The following OTUD4 variants were observed in gnomAD, a reference collection of about 807,000 sequenced individuals.
The protein encoded by OTUD4 is OTU domain-containing protein 4.
OTUD4 carries 24 observed loss-of-function variants against 130.4 expected under a neutral mutation model. The ratio of observed to expected loss-of-function variants is 0.18; its 90% CI spans 0.13 to 0.26. The LOEUF (loss-of-function observed/expected upper bound fraction) is 0.26, where lower values mean the gene tolerates loss of function less well. Among genes scored for constraint, OTUD4 ranks in the 10% least tolerant of loss-of-function variants. OTUD4 has a pLI of 1.00. For synonymous variants in OTUD4, 420 were observed against 472.5 expected (o/e 0.89, Z 1.44); for missense variants, 1,031 against 1,329.4 (o/e 0.78, Z 3.49).
In OTUD4 at chr4:145,135,510, A is replaced by G. The variant is rs556185224; in HGVS notation, c.*1920T>C. The G allele has an allele frequency of 1.3e-5, 2 of 152,364 alleles. No individual in the cohort carries two copies. The highest frequency in any genetic ancestry group is 4.1e-4 in the South Asian group (2 of 4,832). The allele number at this position is 152,364 out of a possible 1,614,324, so 9.4% of individuals were successfully genotyped here. ...ATCAGGTAAGCTAGTCCTACATAAAAAAGCATGAGCTGAAAGTGGAGGACC... is the reference window on the plus strand; with the variant it reads ...ATCAGGTAAGCTAGTCCTACATAAAGAAGCATGAGCTGAAAGTGGAGGACC... On this transcript the variant is annotated 3_prime_UTR_variant, in exon 21 of 21. Coordinates refer to ENST00000447906, the MANE Select transcript of OTUD4 (RefSeq NM_001366057.1).
intron 13 of OTUD4, among the ~76,000 whole-genome samples, chr4:145,147,836 T>C (rs1379573249): frequency 6.6e-6 from 1 of 152,208 alleles, no homozygotes; most frequent in Non-Finnish European, 1.5e-5. Flanking sequence ...AGAAATACAG[T>C]GAAGATGAAC....
At chr4:145,167,071 G>C (rs1290587833) in intron 3 of OTUD4, among the ~76,000 whole-genome samples, 1 of 152,058 alleles carries the variant, frequency 6.6e-6, no homozygotes, top group Admixed American at 6.5e-5. Context: ...ATAGAGACAG[G>C]GAAGTTAACA....
rs201366366 is a variant in OTUD4 at position 145,143,903 on chromosome 4, T to C, written c.1602+43A>G. On this transcript the variant is annotated intron_variant, in intron 16 of 20. Transcript: ENST00000447906. The stretch of plus-strand genomic sequence containing the variant: ...CTTCTTCCTACTGTACTACACAGTA[T>C]TAAGGAAAAAGAAAAGATGCAAGTA... 295 of 1,445,752 alleles carry C rather than the reference T, an allele frequency of 2.0e-4. 1 individual carries two copies. Among genetic ancestry groups the C allele is most frequent in the Non-Finnish European group, 2.6e-4 (272 of 1,027,374 alleles). The allele number at this position is 1,445,752 out of a possible 1,614,324, so 89.6% of individuals were successfully genotyped here.
At chr4:145,141,723 G>T in intron 18 of OTUD4, 84 bp from the exon 19 acceptor site, 3 of 1,238,374 alleles carry the variant, frequency 2.4e-6, no homozygotes, top group Non-Finnish European at 3.3e-6. Flanking sequence ...AAAGAATGCT[G>T]TATAACTGAT....
At position 145,180,056 on chromosome 4, in the gene OTUD4, G is replaced by A. The variant is rs1414313455; in HGVS notation, c.-83C>T. Reference sequence around the variant, plus strand: ...GCCGGCTGCTCGACGCCCCGGCCTGGGGCAGGCGGCGGCTCGGGCTGGGGC... The same window carrying A: ...GCCGGCTGCTCGACGCCCCGGCCTGAGGCAGGCGGCGGCTCGGGCTGGGGC... On this transcript the variant is annotated 5_prime_UTR_variant, in exon 1 of 21. Transcript: ENST00000447906. The A allele has an allele frequency of 2.2e-5, 25 of 1,148,292 alleles. No individual in the cohort carries two copies. Among genetic ancestry groups the A allele is most frequent in the Admixed American group, 9.4e-5 (2 of 21,344 alleles). The allele number at this position is 1,148,292 out of a possible 1,614,324, so 71.1% of individuals were successfully genotyped here.
At chr4:145,166,507 A>T (rs1751883803) in intron 3 of OTUD4, among the ~76,000 whole-genome samples, 1 of 152,156 alleles carries the variant, frequency 6.6e-6, no homozygotes, top group Non-Finnish European at 1.5e-5. Flanking sequence ...GTGTTTAAAA[A>T]AAAAAAAAAG....
chr4:145,166,293 G>A (rs957789998), intron 3 of OTUD4, among the ~76,000 whole-genome samples: 1 of 152,120 alleles, frequency 6.6e-6, no homozygotes, highest in Non-Finnish European at 1.5e-5. Context: ...CAATTGTTTT[G>A]AAAACAAGAG....
At position 145,138,549 on chromosome 4, in the gene OTUD4, A is replaced by T. The variant is rs1456390698; in HGVS notation, c.2226T>A (p.Val742=). 1 of 1,614,012 alleles carries T rather than the reference A, an allele frequency of 6.2e-7. No individual in the cohort carries two copies. The highest frequency in any genetic ancestry group is 1.3e-5 in the African/African-American group (1 of 74,922). ...CTTGGAACCAGGGATTATGAGGATA[A>T]ACAGGGACAGGGACCTTTGGGTACA... is the stretch of plus-strand genomic sequence containing the variant. ...CRMYPKVPVP[V]YPHNPWFQEA... Residue 742 remains valine, a synonymous_variant, in exon 21 of 21, where the codon GTT becomes GTA. Transcript: ENST00000447906.
At chr4:145,144,463 G>A in intron 14 of OTUD4, 29 bp from the exon 15 acceptor site, 3 of 1,598,518 alleles carry the variant, frequency 1.9e-6, no homozygotes, top group Non-Finnish European at 2.6e-6. Flanking sequence ...CCAACATTTT[G>A]TGTTAAAGAT....
chr4:145,170,691 G>A (rs1029832641), intron 3 of OTUD4: 3 of 152,142 alleles, frequency 2.0e-5, no homozygotes, highest in African/African-American at 7.2e-5. Context: ...TTAGTGTTAG[G>A]CAACCAAATG....
At chr4:145,165,014 G>A in intron 4 of OTUD4, 137 bp downstream of exon 4, 1 of 471,444 alleles carries the variant, frequency 2.1e-6, no homozygotes, top group Non-Finnish European at 3.8e-6. Flanking sequence ...TCTAATTGAT[G>A]CAATTAAAAA....
intron 19 of OTUD4, among the ~76,000 whole-genome samples, chr4:145,140,386 T>C (rs925209466): frequency 1.3e-5 from 2 of 152,306 alleles, no homozygotes; most frequent in East Asian, 3.9e-4. Context: ...GTAGCATCAT[T>C]TGCAGGATAA....
In OTUD4 at chr4:145,137,405, T is replaced by G; in HGVS notation, c.*25A>C. 3 of 1,563,258 alleles carry G rather than the reference T, an allele frequency of 1.9e-6. No homozygotes were observed. Among genetic ancestry groups the G allele is most frequent in the Non-Finnish European group, 2.6e-6 (3 of 1,149,604 alleles). ...GAAACATTCCACCTAAGAGTTTCTG[T>G]TAGAAAATACTTCGGCAACAACCAT... On this transcript the variant is annotated 3_prime_UTR_variant, in exon 21 of 21. Transcript: ENST00000447906.
rs1410264195 is a variant in OTUD4 at position 145,180,046 on chromosome 4, C to G, written c.-73G>C. The G allele has an allele frequency of 8.2e-7, 1 of 1,225,054 alleles. No individual in the cohort carries two copies. Among genetic ancestry groups the G allele is most frequent in the Non-Finnish European group, 1.0e-6 (1 of 977,454 alleles). The allele number at this position is 1,225,054 out of a possible 1,614,324, so 75.9% of individuals were successfully genotyped here. ...TGGCCAGGCCGCCGGCTGCTCGACG[C>G]CCCGGCCTGGGGCAGGCGGCGGCTC... is the stretch of plus-strand genomic sequence containing the variant. On this transcript the variant is annotated 5_prime_UTR_variant, in exon 1 of 21. Transcript: ENST00000447906.
chr4:145,174,015 T>A (rs2126808909), intron 2 of OTUD4, among the ~76,000 whole-genome samples: 1 of 151,492 alleles, frequency 6.6e-6, no homozygotes, highest in South Asian at 2.1e-4. Flanking sequence ...AATTTTTTTT[T>A]TTTTTTTTTT....
chr4:145,173,188 G>A (rs1197511912), intron 2 of OTUD4, among the ~76,000 whole-genome samples: 1 of 152,068 alleles, frequency 6.6e-6, no homozygotes, highest in Admixed American at 6.6e-5. Flanking sequence ...TCAGGAGATC[G>A]AGACCATCCT....
At position 145,134,864 on chromosome 4, in the gene OTUD4, A is replaced by T. The variant is rs905605616; in HGVS notation, c.*2566T>A. The T allele has an allele frequency of 2.5e-6, 1 of 398,888 alleles. No individual in the cohort carries two copies. Among genetic ancestry groups the T allele is most frequent in the African/African-American group, 2.1e-5 (1 of 48,644 alleles). The allele number at this position is 398,888 out of a possible 1,614,324, so 24.7% of individuals were successfully genotyped here. A position where few individuals can be genotyped will look rare whatever the true frequency, so the allele number is the denominator to read the frequency against. On this transcript the variant is annotated 3_prime_UTR_variant, in exon 21 of 21. Coordinates refer to ENST00000447906, the MANE Select transcript of OTUD4 (RefSeq NM_001366057.1). ...TGAGCTTTGGTCAGTCTGTTCTTCAAAATATGTATGATCATAATATGGTGA... is the reference window on the plus strand; with the variant it reads ...TGAGCTTTGGTCAGTCTGTTCTTCATAATATGTATGATCATAATATGGTGA...
At chr4:145,165,224 G>A (rs1048355633) in intron 3 of OTUD4, 27 bp from the exon 4 acceptor site, 4 of 1,554,598 alleles carry the variant, frequency 2.6e-6, no homozygotes, top group Middle Eastern at 1.8e-4. Context: ...AAGGTGGCAT[G>A]TAAGTGTCTC....
chr4:145,163,358 A>T (rs573008626), intron 5 of OTUD4, among the ~76,000 whole-genome samples: 31 of 152,324 alleles, frequency 2.0e-4, no homozygotes, highest in African/African-American at 7.2e-4. Context: ...AAATTCTCTT[A>T]TAATAAGTCA....
Sources: allele counts gnomAD v4.1 joint callset (sites outside exome capture counted in the v4.1 genomes callset), GRCh38; gene constraint gnomAD v4.1.1; transcripts MANE v1.5; gene names NCBI Gene and HGNC (gene_info 2026-07-23, HGNC 2026-07-21).